Variants in UTS2 observed in about 807,000 individuals in gnomAD.
The protein encoded by UTS2 is urotensin-2.
A neutral mutation model predicts 12.6 loss-of-function variants in UTS2; 10 were observed. That is an observed-to-expected ratio of 0.80 (90% CI 0.49 to 1.35). The LOEUF (loss-of-function observed/expected upper bound fraction) is 1.35, where lower values mean the gene tolerates loss of function less well. Ranked by LOEUF, UTS2 falls within the 40% of genes most tolerant of loss-of-function variation. The pLI, the probability that UTS2 is intolerant of heterozygous loss-of-function variation, is 0.00. For synonymous variants in UTS2, 52 were observed against 50.0 expected (o/e 1.04, Z -0.17); for missense variants, 142 against 143.2 (o/e 0.99, Z 0.04).
the UTS2 span, among the ~76,000 whole-genome samples, chr1:7,870,247 T>G: frequency 1.3e-5 from 2 of 152,134 alleles, no homozygotes. Flanking sequence ...ACTGGTGTCC[T>G]TATAGAGAGA....
the UTS2 span, among the ~76,000 whole-genome samples, chr1:7,897,678 C>G: frequency 4.2e-4 from 64 of 152,276 alleles, no homozygotes; most frequent in African/African-American, 1.5e-3. Context: ...CCTCCACCGC[C>G]CAGGTTCAAG....
the UTS2 span, among the ~76,000 whole-genome samples, chr1:7,889,097 A>C: frequency 6.6e-6 from 1 of 151,666 alleles, no homozygotes; most frequent in Non-Finnish European, 1.5e-5. Context: ...AAAAAAAAAA[A>C]AGGCCCAGAG....
chr1:7,848,717 G>A (rs532151725), intron 3 of UTS2, among the ~76,000 whole-genome samples: 1 of 151,988 alleles, frequency 6.6e-6, no homozygotes, highest in South Asian at 2.1e-4. Flanking sequence ...ACGGGGTTTC[G>A]CTGTGTTGCC....
upstream of UTS2, among the ~76,000 whole-genome samples, chr1:7,854,511 C>CAA (rs34363679): frequency 0.023 from 2,252 of 99,402 alleles, 74 homozygotes; most frequent in African/African-American, 0.08. Flanking sequence ...GACCATGTCT[C>CAA]AAAAAAAAAA....
chr1:7,863,487 C>A, the UTS2 span, among the ~76,000 whole-genome samples: 1 of 152,164 alleles, frequency 6.6e-6, no homozygotes, highest in East Asian at 1.9e-4. Flanking sequence ...AATGTTCTCC[C>A]ATCTCACTTA....
upstream of UTS2, among the ~76,000 whole-genome samples, chr1:7,856,492 C>T (rs575924779): frequency 4.7e-4 from 71 of 152,256 alleles, no homozygotes; most frequent in African/African-American, 1.5e-3. Flanking sequence ...AGTGTGGAGC[C>T]TCCAGCGAGA....
the UTS2 span, among the ~76,000 whole-genome samples, chr1:7,863,226 C>G: frequency 6.6e-6 from 1 of 151,994 alleles, no homozygotes; most frequent in African/African-American, 2.4e-5. Context: ...ATTCTCCTGT[C>G]TCAGCCTCCC....
the UTS2 span, among the ~76,000 whole-genome samples, chr1:7,858,545 G>A: frequency 1.2e-3 from 175 of 152,106 alleles, no homozygotes; most frequent in African/African-American, 3.8e-3. Context: ...CTGATGACAC[G>A]TTTGTCGTTG....
chr1:7,861,518 A>G, the UTS2 span, among the ~76,000 whole-genome samples: 3 of 152,140 alleles, frequency 2.0e-5, no homozygotes, highest in Non-Finnish European at 4.4e-5. Context: ...GCGTCAGGAG[A>G]GAGATGGTTC....
Position 7,847,687 on chromosome 1 carries a change from T to G in UTS2, c.*79A>C, listed in dbSNP as rs763432833. 1.7e-6 allele frequency: 2 copies of G among 1,176,978 alleles called. No individual in the cohort carries two copies. Among genetic ancestry groups the G allele is most frequent in the South Asian group, 2.7e-5 (2 of 74,088 alleles). The allele number at this position is 1,176,978 out of a possible 1,614,324, so 72.9% of individuals were successfully genotyped here. A position where few individuals can be genotyped will look rare whatever the true frequency, so the allele number is the denominator to read the frequency against. On this transcript the variant is annotated 3_prime_UTR_variant, in exon 4 of 4. Transcript: ENST00000361696. ...GTTTGCCTAGTTTTTCTCCACACTGTTTTCAAATCAAGCATTGTGTTATTT... is the reference window on the plus strand; with the variant it reads ...GTTTGCCTAGTTTTTCTCCACACTGGTTTCAAATCAAGCATTGTGTTATTT...
intron 3 of UTS2, 60 bp from the exon 4 acceptor site, chr1:7,847,942 A>G: frequency 1.2e-5 from 14 of 1,210,926 alleles, no homozygotes; most frequent in Non-Finnish European, 1.7e-5. Flanking sequence ...CCAACGAGTG[A>G]CGATTCCTAT....
rs145544704 is a variant in UTS2, at chr1:7,851,049, A to G, written c.104-127T>C. On this transcript the variant is annotated intron_variant, in intron 1 of 3. Coordinates refer to ENST00000361696, the MANE Select transcript of UTS2 (RefSeq NM_006786.4). Reference sequence around the variant, plus strand: ...TAGAAAAACTTCCAACGCTGAGTTCATGACGTGTCATCAGTGGTATTCTAG... The same window carrying G: ...TAGAAAAACTTCCAACGCTGAGTTCGTGACGTGTCATCAGTGGTATTCTAG... 2.5e-4 allele frequency: 198 copies of G among 802,272 alleles called. 2 individuals are homozygous for G. The East Asian group carries it at 4.7e-3, about 19-fold the overall frequency. 49.7% of individuals were successfully genotyped at this position (802,272 alleles called of 1,614,324 possible).
the UTS2 span, among the ~76,000 whole-genome samples, chr1:7,894,092 A>G: frequency 6.8e-6 from 1 of 147,800 alleles, no homozygotes; most frequent in Non-Finnish European, 1.5e-5. Flanking sequence ...ACTCTACCCC[A>G]TCCACTGTTC....
upstream of UTS2, among the ~76,000 whole-genome samples, chr1:7,856,367 G>A (rs1638309178): frequency 6.6e-6 from 1 of 152,218 alleles, no homozygotes; most frequent in South Asian, 2.1e-4. Flanking sequence ...ACAGTACAGG[G>A]GCAGGTAGTC....
At chr1:7,892,646 G>A in the UTS2 span, among the ~76,000 whole-genome samples, 3 of 150,922 alleles carry the variant, frequency 2.0e-5, no homozygotes, top group Non-Finnish European at 4.4e-5. Context: ...GCCTGGCTAA[G>A]TTTTGTATTT....
chr1:7,859,579 G>A, the UTS2 span, among the ~76,000 whole-genome samples: 1 of 152,254 alleles, frequency 6.6e-6, no homozygotes, highest in African/African-American at 2.4e-5. Context: ...CCTGGGGTCA[G>A]ATGAGGGATC....
At chr1:7,909,552 A>G in the UTS2 span, among the ~76,000 whole-genome samples, 1 of 151,824 alleles carries the variant, frequency 6.6e-6, no homozygotes, top group Non-Finnish European at 1.5e-5. Flanking sequence ...GTCTCAAAAA[A>G]AAAAAAAAAA....
the UTS2 span, among the ~76,000 whole-genome samples, chr1:7,874,615 C>G: frequency 6.6e-6 from 1 of 152,218 alleles, no homozygotes; most frequent in South Asian, 2.1e-4. Flanking sequence ...TTTCCCAGAG[C>G]CGCAGAGCTG....
At chr1:7,865,777 A>T in the UTS2 span, among the ~76,000 whole-genome samples, 1 of 151,946 alleles carries the variant, frequency 6.6e-6, no homozygotes, top group Admixed American at 6.6e-5. Context: ...TACAAATACA[A>T]TTTTAAAAAT....
Sources: gnomAD v4.1 joint callset for allele counts (sites outside exome capture counted in the v4.1 genomes callset) on GRCh38, gnomAD v4.1.1 for gene constraint, MANE v1.5 for transcripts, NCBI Gene and HGNC (gene_info 2026-07-23, HGNC 2026-07-21) for gene names.